NFYA: variants seen among roughly 807,000 people sequenced by gnomAD.
NFYA encodes the protein CAAT-box DNA binding protein subunit A.
A neutral mutation model predicts 52.8 loss-of-function variants in NFYA; 28 were observed. That is an observed-to-expected ratio of 0.53 (90% CI 0.39 to 0.73). NFYA has a LOEUF of 0.73. NFYA is among the 30% of genes least tolerant of loss of function. NFYA has a pLI of 0.00. For synonymous variants in NFYA, 150 were observed against 150.7 expected, an observed-to-expected ratio of 1.00 and a Z score of 0.03; for missense variants, 234 against 427.0, an observed-to-expected ratio of 0.55 and a Z score of 3.98.
In NFYA at chr6:41,099,831, G is replaced by A. The variant is rs1339987443; in HGVS notation, c.*2421G>A. On this transcript the variant is annotated 3_prime_UTR_variant, in exon 10 of 10. Transcript: ENST00000341376. ...ACAGAGCATTTTGTGGCTATAGGGT[G>A]CCTGATAATAATGTCTTGATTTTTC... The A allele has an allele frequency of 6.6e-6, 1 of 151,964 alleles. No individual in the cohort carries two copies. The highest frequency in any genetic ancestry group is 2.4e-5 in the African/African-American group (1 of 41,362). 9.4% of individuals were successfully genotyped at this position (151,964 alleles called of 1,614,324 possible).
At chr6:41,077,089 T>C (rs1763752913) in intron 1 of NFYA, among the ~76,000 whole-genome samples, 1 of 152,208 alleles carries the variant, frequency 6.6e-6, no homozygotes, top group Admixed American at 6.5e-5. Context: ...TGCTTCAAGT[T>C]ATATTTAGTC....
At chr6:41,079,798 C>G (rs548296144) in intron 2 of NFYA, among the ~76,000 whole-genome samples, 1 of 152,136 alleles carries the variant, frequency 6.6e-6, no homozygotes. Context: ...TATTATGTTT[C>G]TATTTGACCT....
rs760645922 is a variant in NFYA at position 41,101,601 on chromosome 6, C to T, written c.*4191C>T. The stretch of plus-strand genomic sequence containing the variant: ...GGCCGTAGCTATCTAGCAGCCACTC[C>T]GCGAGTCGTTCATTTAACAAATACT... On this transcript the variant is annotated 3_prime_UTR_variant, in exon 10 of 10. Transcript: ENST00000341376. Among the ~76,000 whole-genome samples, 19 of 152,174 alleles carry T rather than the reference C, an allele frequency of 1.2e-4. No individual in the cohort carries two copies. Among genetic ancestry groups the T allele is most frequent in the Admixed American group, 2.6e-4 (4 of 15,268 alleles).
intron 9 of NFYA, 81 bp downstream of exon 9, chr6:41,094,578 C>T (rs1198425425): frequency 2.1e-5 from 21 of 1,013,422 alleles, no homozygotes; most frequent in Non-Finnish European, 2.3e-5. Context: ...TGTCCTCTTG[C>T]TATTTTCCTA....
intron 8 of NFYA, among the ~76,000 whole-genome samples, chr6:41,093,485 TC>T (rs1764251857): frequency 6.6e-6 from 1 of 151,710 alleles, no homozygotes; most frequent in African/African-American, 2.4e-5. Flanking sequence ...TTTTTTTTTT[TC>T]CTGAGACTCA....
intron 1 of NFYA, 53 bp from the exon 2 acceptor site, chr6:41,078,976 T>A (rs1763830955): frequency 1.3e-6 from 1 of 795,664 alleles, no homozygotes; most frequent in African/African-American, 1.7e-5. Flanking sequence ...AATTGTCTGG[T>A]AAGGCCTTTA....
chr6:41,086,970 C>T (rs188765869), intron 4 of NFYA, among the ~76,000 whole-genome samples: 3 of 151,972 alleles, frequency 2.0e-5, no homozygotes, highest in Non-Finnish European at 4.4e-5. Flanking sequence ...AACAAATTGA[C>T]TAAAACATAA....
chr6:41,092,857 G>C, intron 7 of NFYA, 55 bp from the exon 8 acceptor site: 1 of 1,539,576 alleles, frequency 6.5e-7, no homozygotes, highest in Non-Finnish European at 8.8e-7. Flanking sequence ...CCAAGAAACT[G>C]TTTCTATGTC....
At position 41,100,970 on chromosome 6, in the gene NFYA, G is replaced by C. The variant is rs1191357613; in HGVS notation, c.*3560G>C. 2.0e-5 allele frequency: 3 copies of C among 151,104 alleles called. No individual in the cohort carries two copies. The highest frequency in any genetic ancestry group is 1.3e-4 in the Admixed American group (2 of 15,064). The allele number at this position is 151,104 out of a possible 1,614,324, so 9.4% of individuals were successfully genotyped here. On this transcript the variant is annotated 3_prime_UTR_variant, in exon 10 of 10. Transcript: ENST00000341376. ...AGGCCTCCAATAGAGCCTGCTAGGC[G>C]GATTGGCTGCTACGCGGCTGGGCCC...
At chr6:41,093,937 A>G (rs1314710543) in intron 8 of NFYA, among the ~76,000 whole-genome samples, 1 of 152,180 alleles carries the variant, frequency 6.6e-6, no homozygotes, top group Non-Finnish European at 1.5e-5. Context: ...GGAGGATCAC[A>G]TGAGCCGAGG....
intron 9 of NFYA, among the ~76,000 whole-genome samples, chr6:41,095,451 G>C (rs746707058): frequency 8.5e-5 from 13 of 152,116 alleles, no homozygotes; most frequent in Non-Finnish European, 1.6e-4. Context: ...TTCTCTCTCA[G>C]TATGTTCTTA....
chr6:41,100,992 G>T lies in NFYA; in HGVS notation c.*3582G>T, dbSNP rs1357288019. The T allele has an allele frequency of 6.6e-6, 1 of 152,308 alleles. No individual in the cohort carries two copies. The highest frequency in any genetic ancestry group is 2.1e-4 in the South Asian group (1 of 4,836). The allele number at this position is 152,308 out of a possible 1,614,324, so 9.4% of individuals were successfully genotyped here. ...GGCGGATTGGCTGCTACGCGGCTGGGCCCTGTTTCCGGTACCTAGGCGGGC... is the reference window on the plus strand; with the variant it reads ...GGCGGATTGGCTGCTACGCGGCTGGTCCCTGTTTCCGGTACCTAGGCGGGC... On this transcript the variant is annotated 3_prime_UTR_variant, in exon 10 of 10. Transcript: ENST00000341376.
At chr6:41,092,168 G>A (rs1430936511) in intron 7 of NFYA, among the ~76,000 whole-genome samples, 1 of 152,212 alleles carries the variant, frequency 6.6e-6, no homozygotes, top group Non-Finnish European at 1.5e-5. Context: ...AAAATAGGAT[G>A]TTAAAATGCA....
chr6:41,091,420 T>C, intron 6 of NFYA, 108 bp from the exon 7 acceptor site: 2 of 1,067,588 alleles, frequency 1.9e-6, no homozygotes, highest in South Asian at 1.6e-5. Context: ...CAGTGTGTTT[T>C]GCCAGGATCG....
At chr6:41,086,871 G>T (rs1012156567) in intron 4 of NFYA, among the ~76,000 whole-genome samples, 1 of 152,040 alleles carries the variant, frequency 6.6e-6, no homozygotes, top group Non-Finnish European at 1.5e-5. Context: ...TTGCTAGGTG[G>T]ATTAAAGATC....
rs1172908294 is a variant in NFYA, at chr6:41,101,580, G to A, written c.*4170G>A. Among the ~76,000 whole-genome samples, 2 of 152,154 alleles carry A rather than the reference G, an allele frequency of 1.3e-5. No individual in the cohort carries two copies. The highest frequency in any genetic ancestry group is 6.5e-5 in the Admixed American group (1 of 15,278). On this transcript the variant is annotated 3_prime_UTR_variant, in exon 10 of 10. Coordinates refer to ENST00000341376, the MANE Select transcript of NFYA (RefSeq NM_002505.5). The stretch of plus-strand genomic sequence containing the variant: ...GTATATGCCCGCCGTTGTTCTGGCC[G>A]TAGCTATCTAGCAGCCACTCCGCGA...
chr6:41,086,923 T>C (rs1404715480), intron 4 of NFYA, among the ~76,000 whole-genome samples: 5 of 152,072 alleles, frequency 3.3e-5, no homozygotes, highest in Admixed American at 3.3e-4. Context: ...AAAGAAAATA[T>C]AAGAATTTTT....
intron 1 of NFYA, among the ~76,000 whole-genome samples, chr6:41,077,112 A>G (rs1450137280): frequency 6.6e-6 from 1 of 152,236 alleles, no homozygotes; most frequent in Admixed American, 6.5e-5. Flanking sequence ...GTAAAGATGT[A>G]AACTTCTGGA....
chr6:41,076,776 T>G (rs981638464), intron 1 of NFYA, among the ~76,000 whole-genome samples: 12 of 152,216 alleles, frequency 7.9e-5, no homozygotes, highest in African/African-American at 2.9e-4. Flanking sequence ...AAAGAGGCAC[T>G]TTGGGAAAGA....
Sources: allele counts gnomAD v4.1 joint callset (sites outside exome capture counted in the v4.1 genomes callset), GRCh38; gene constraint gnomAD v4.1.1; transcripts MANE v1.5; gene names NCBI Gene and HGNC (gene_info 2026-07-23, HGNC 2026-07-21).